LRRC72: variants seen among roughly 807,000 people sequenced by gnomAD.
LRRC72 encodes leucine-rich repeat-containing protein 72.
A neutral mutation model predicts 35.8 loss-of-function variants in LRRC72; 41 were observed. The observed-to-expected ratio is 1.15, with a 90% confidence interval of 0.89 to 1.49. The LOEUF is 1.49. Ranked by LOEUF, LRRC72 falls within the 40% of genes most tolerant of loss-of-function variation. LRRC72 has a pLI of 0.00. For missense variants in LRRC72, 389 were observed against 330.7 expected, an observed-to-expected ratio of 1.18 and a Z score of -1.37; for synonymous variants, 118 against 119.2, an observed-to-expected ratio of 0.99 and a Z score of 0.07.
intron 6 of LRRC72, 64 bp from the exon 7 acceptor site, chr7:16,567,327 C>A (rs1782863031): frequency 3.5e-6 from 4 of 1,131,586 alleles, no homozygotes; most frequent in Non-Finnish European, 3.6e-6. Flanking sequence ...GTGTTCAGTT[C>A]TATTTTGAAT....
chr7:16,543,748 C>T (rs1782399191), intron 3 of LRRC72, among the ~76,000 whole-genome samples: 1 of 152,136 alleles, frequency 6.6e-6, no homozygotes. Context: ...AAAGGGAGTA[C>T]TAGAAGAGTA....
rs1782751636 is a variant in LRRC72 at position 16,561,999 on chromosome 7, G to C, written c.427+3000G>C. ...AAATTACAAGTTCTTCAGAGGGTGA[G>C]AAAATAGCCTGAAGGGCAAAACGCT... On this transcript the variant is annotated intron_variant, in intron 5 of 8. Transcript: ENST00000401542. Among the ~76,000 whole-genome samples, 2 of 152,176 alleles carry C rather than the reference G, an allele frequency of 1.3e-5. 1 individual carries two copies. The highest frequency in any genetic ancestry group is 1.3e-4 in the Admixed American group (2 of 15,278).
intron 7 of LRRC72, among the ~76,000 whole-genome samples, chr7:16,576,376 G>T (rs1231928998): frequency 6.6e-6 from 1 of 151,958 alleles, no homozygotes; most frequent in Non-Finnish European, 1.5e-5. Flanking sequence ...TATTTTATTG[G>T]AAAGAAACTA....
chr7:16,556,706 G>C (rs187840423), intron 3 of LRRC72, among the ~76,000 whole-genome samples: 5 of 152,184 alleles, frequency 3.3e-5, no homozygotes, highest in Non-Finnish European at 7.3e-5. Flanking sequence ...GCAGGTAGAA[G>C]TTTAGAGAAA....
intron 3 of LRRC72, among the ~76,000 whole-genome samples, chr7:16,551,767 TA>T (rs34443112): frequency 0.011 from 1,525 of 139,386 alleles, 14 homozygotes; most frequent in African/African-American, 0.028. Flanking sequence ...TATCCTTTAT[TA>T]AAAAAAAAAA....
intron 7 of LRRC72, among the ~76,000 whole-genome samples, chr7:16,569,643 G>T (rs1431404486): frequency 6.6e-6 from 1 of 152,072 alleles, no homozygotes; most frequent in African/African-American, 2.4e-5. Flanking sequence ...ATTTATTTGG[G>T]AGTAAGCAAA....
chr7:16,537,418 T>A (rs547050044), intron 2 of LRRC72, among the ~76,000 whole-genome samples: 2 of 152,352 alleles, frequency 1.3e-5, no homozygotes, highest in East Asian at 3.9e-4. Context: ...CTTTCAAGTA[T>A]CAGCTTCAAC....
intron 5 of LRRC72, 70 bp downstream of exon 5, chr7:16,559,069 A>C: frequency 1.0e-6 from 1 of 975,252 alleles, no homozygotes; most frequent in East Asian, 2.9e-5. Context: ...TCCATTTATC[A>C]AGTTTAAAAT....
chr7:16,560,138 G>A (rs911851932), intron 5 of LRRC72, among the ~76,000 whole-genome samples: 2 of 152,162 alleles, frequency 1.3e-5, no homozygotes, highest in Non-Finnish European at 2.9e-5. Flanking sequence ...ACAGATCAAC[G>A]AGTAGGTTTT....
At chr7:16,565,226 A>G (rs1782808115) in intron 5 of LRRC72, among the ~76,000 whole-genome samples, 8 of 152,220 alleles carry the variant, frequency 5.3e-5, no homozygotes, top group Admixed American at 5.2e-4. Context: ...CGAGGTCAGC[A>G]GTTCGAGACC....
At chr7:16,532,099 C>A (rs1782176997) in intron 1 of LRRC72, among the ~76,000 whole-genome samples, 1 of 152,164 alleles carries the variant, frequency 6.6e-6, no homozygotes, top group Non-Finnish European at 1.5e-5. Context: ...ACCTCCAACC[C>A]TGATACTGCA....
At chr7:16,540,825 G>T (rs541578752) in intron 3 of LRRC72, among the ~76,000 whole-genome samples, 1 of 151,796 alleles carries the variant, frequency 6.6e-6, no homozygotes, top group African/African-American at 2.4e-5. Flanking sequence ...TAAGCTTCCT[G>T]AGGCCTTCCC....
At chr7:16,535,531 T>G (rs79563093) in intron 2 of LRRC72, among the ~76,000 whole-genome samples, 132 of 152,302 alleles carry the variant, frequency 8.7e-4, no homozygotes, top group African/African-American at 3.1e-3. Context: ...CAATTGAAGC[T>G]AAAGCTATTG....
In LRRC72 at chr7:16,564,808, A is replaced by ATT. The variant is rs11442050; in HGVS notation, c.428-1494_428-1493dup. On this transcript the variant is annotated intron_variant, in intron 5 of 8. Transcript: ENST00000401542. ...TACAGAGAAAACATCCAGATGATTG[A>ATT]TTTTTTTTTTTTAGTTTTTATCTAG... Among the ~76,000 whole-genome samples, 447 of 148,752 alleles carry ATT rather than the reference A, an allele frequency of 3.0e-3. 3 individuals carry two copies. Among genetic ancestry groups the ATT allele is most frequent in the African/African-American group, 7.8e-3 (316 of 40,692 alleles).
intron 7 of LRRC72, among the ~76,000 whole-genome samples, chr7:16,572,390 T>C (rs1481062764): frequency 6.6e-6 from 1 of 152,108 alleles, no homozygotes; most frequent in Non-Finnish European, 1.5e-5. Context: ...CGAACATCAG[T>C]GCAAAAATCC....
In LRRC72 at chr7:16,559,521, G is replaced by A. The variant is rs1174477637; in HGVS notation, c.427+522G>A. Among the ~76,000 whole-genome samples, 3 of 152,306 alleles carry A rather than the reference G, an allele frequency of 2.0e-5. No homozygotes were observed. In the South Asian group the frequency reaches 6.2e-4, roughly 32 times the overall value. ...AAATGCTATCTATCACATGGCTAATGAAAATGACAAAAGTAGCAAGAGGAT... is the reference window on the plus strand; with the variant it reads ...AAATGCTATCTATCACATGGCTAATAAAAATGACAAAAGTAGCAAGAGGAT... On this transcript the variant is annotated intron_variant, in intron 5 of 8. Transcript: ENST00000401542.
intron 7 of LRRC72, among the ~76,000 whole-genome samples, chr7:16,574,769 C>A (rs1012525983): frequency 6.6e-6 from 1 of 151,788 alleles, no homozygotes; most frequent in African/African-American, 2.4e-5. Flanking sequence ...GCACGTCCTG[C>A]ACATATATCC....
intron 6 of LRRC72, 57 bp from the exon 7 acceptor site, chr7:16,567,334 G>T (rs142743564): frequency 5.9e-6 from 7 of 1,178,368 alleles, no homozygotes; most frequent in African/African-American, 3.1e-5. Flanking sequence ...GTTCTATTTT[G>T]AATCACTCCG....
intron 3 of LRRC72, among the ~76,000 whole-genome samples, chr7:16,554,470 A>G (rs1782614331): frequency 6.6e-6 from 1 of 151,880 alleles, no homozygotes; most frequent in Admixed American, 6.6e-5. Flanking sequence ...TACTACCTCA[A>G]TTTCCTCCAC....
Sources: allele counts gnomAD v4.1 joint callset (sites outside exome capture counted in the v4.1 genomes callset), GRCh38; gene constraint gnomAD v4.1.1; transcripts MANE v1.5; gene names NCBI Gene and HGNC (gene_info 2026-07-23, HGNC 2026-07-21).